Variants in PGS1 observed in about 807,000 individuals in gnomAD.
The protein encoded by PGS1 is phosphatidylglycerophosphate synthase 1, also known as CDP-diacylglycerol--glycerol-3-phosphate 3-phosphatidyltransferase, mitochondrial.
PGS1 carries 44 observed loss-of-function variants against 58.3 expected under a neutral mutation model. The ratio of observed to expected loss-of-function variants is 0.75; its 90% CI spans 0.59 to 0.97. PGS1 has a LOEUF of 0.97. PGS1 is among the 50% of genes least tolerant of loss of function. The pLI is 0.00. For missense variants in PGS1, 684 were observed against 731.1 expected (o/e 0.94, Z 0.74); for synonymous variants, 330 against 311.0 (o/e 1.06, Z -0.64).
chr17:78,415,500 C>T (rs561735732), intron 8 of PGS1, among the ~76,000 whole-genome samples: 4 of 152,120 alleles, frequency 2.6e-5, no homozygotes, highest in South Asian at 2.1e-4. Flanking sequence ...GGCATGGTGG[C>T]GGGTGCCTGT....
chr17:78,418,836 T>G (rs1344804822), intron 8 of PGS1, among the ~76,000 whole-genome samples: 1 of 152,132 alleles, frequency 6.6e-6, no homozygotes, highest in Non-Finnish European at 1.5e-5. Flanking sequence ...CAAATTGGCT[T>G]TGTGCCAATT....
chr17:78,398,428 C>G, intron 4 of PGS1, 77 bp downstream of exon 4: 3 of 974,350 alleles, frequency 3.1e-6, no homozygotes, highest in Non-Finnish European at 5.0e-6. Flanking sequence ...CTGTCACCCC[C>G]TCATCCCCAG....
chr17:78,404,818 G>A (rs1003851115), intron 7 of PGS1, among the ~76,000 whole-genome samples: 8 of 152,018 alleles, frequency 5.3e-5, no homozygotes, highest in Non-Finnish European at 1.0e-4. Context: ...GTACCACCAC[G>A]CCTGACTAAT....
intron 7 of PGS1, among the ~76,000 whole-genome samples, chr17:78,411,401 C>T (rs2084678858): frequency 2.6e-5 from 4 of 152,210 alleles, no homozygotes; most frequent in Admixed American, 6.5e-5. Flanking sequence ...AGGCCCAGAG[C>T]TGGGAGGCAG....
At chr17:78,406,428 C>T (rs1266044607) in intron 7 of PGS1, among the ~76,000 whole-genome samples, 1 of 152,252 alleles carries the variant, frequency 6.6e-6, no homozygotes, top group African/African-American at 2.4e-5. Flanking sequence ...ATTCTGATGC[C>T]TAGCCTAGCC....
chr17:78,413,108 G>T (rs574818825), intron 7 of PGS1, among the ~76,000 whole-genome samples: 1 of 152,238 alleles, frequency 6.6e-6, no homozygotes, highest in African/African-American at 2.4e-5. Context: ...GTGGCCCAGC[G>T]GAGCGGTACT....
chr17:78,422,430 T>C (rs1331312269), intron 9 of PGS1, among the ~76,000 whole-genome samples: 4 of 127,926 alleles, frequency 3.1e-5, no homozygotes, highest in Non-Finnish European at 7.2e-5. Context: ...TGAGTAAACT[T>C]GGAAAAATGT....
chr17:78,400,536 T>C lies in PGS1; in HGVS notation c.702-141T>C, dbSNP rs991979484. On this transcript the variant is annotated intron_variant, in intron 5 of 9. Coordinates refer to ENST00000262764, the MANE Select transcript of PGS1 (RefSeq NM_024419.5). This position sits in a 1 kb window ranked among gnomAD's most constrained non-coding sequence, Gnocchi z 4.4. ...TGGCTTTGTCTTTTGCACGTGTTCA[T>C]TGCTGAGTAGCTATTTGTTAACTGC... 22 of 708,718 alleles carry C rather than the reference T, an allele frequency of 3.1e-5. No individual in the cohort carries two copies. The highest frequency in any genetic ancestry group is 5.0e-5 in the Non-Finnish European group (20 of 402,778). The allele number at this position is 708,718 out of a possible 1,614,324, so 43.9% of individuals were successfully genotyped here.
chr17:78,410,077 C>G (rs1296454554), intron 7 of PGS1, among the ~76,000 whole-genome samples: 1 of 150,822 alleles, frequency 6.6e-6, no homozygotes, highest in Non-Finnish European at 1.5e-5. Context: ...TGCCACTGTA[C>G]CCCAGTGTGG....
In PGS1 at chr17:78,417,659, C is replaced by T. The variant is rs142690625; in HGVS notation, c.1552-1887C>T. 7.6e-4 allele frequency among the ~76,000 whole-genome samples: 115 copies of T among 152,142 alleles called. 1 individual carries two copies. The highest frequency in any genetic ancestry group is 6.9e-3 in the South Asian group (33 of 4,790). On this transcript the variant is annotated intron_variant, in intron 8 of 9. Coordinates refer to ENST00000262764, the MANE Select transcript of PGS1 (RefSeq NM_024419.5). ...GTGCCACTTTGAGTGGCACAGGCCA[C>T]CGCTGCTGCTGTCCTGCGGTTGGCA...
At chr17:78,381,742 T>A (rs905147885) in intron 1 of PGS1, among the ~76,000 whole-genome samples, 1 of 152,208 alleles carries the variant, frequency 6.6e-6, no homozygotes, top group Non-Finnish European at 1.5e-5. Flanking sequence ...ACGTTCCTTT[T>A]ACTGCCGCGG....
intron 1 of PGS1, among the ~76,000 whole-genome samples, chr17:78,379,353 G>T (rs2081866537): frequency 6.6e-6 from 1 of 152,170 alleles, no homozygotes; most frequent in Non-Finnish European, 1.5e-5. Flanking sequence ...GGCATGGGAA[G>T]AGGAGCCACT....
At chr17:78,385,846 G>A (rs1393412184) in intron 1 of PGS1, among the ~76,000 whole-genome samples, 8 of 152,246 alleles carry the variant, frequency 5.3e-5, no homozygotes, top group African/African-American at 1.9e-4. Flanking sequence ...GGGCAAGTGT[G>A]TGCAGGGCGC....
At chr17:78,402,020 A>T (rs8071889) in intron 6 of PGS1, among the ~76,000 whole-genome samples, 3 of 151,912 alleles carry the variant, frequency 2.0e-5, no homozygotes, top group Non-Finnish European at 4.4e-5. Flanking sequence ...GCTTGGGAGA[A>T]TGAGTCCACA....
chr17:78,416,833 CAGTGCCCGGTCCCTAG>C (rs1273626218), intron 8 of PGS1, among the ~76,000 whole-genome samples: 2 of 152,126 alleles, frequency 1.3e-5, no homozygotes, highest in Non-Finnish European at 2.9e-5. Flanking sequence ...CTGAGCCCTA[CAGTGCCCGGTCCCTAG>C]AGGCCAAATC....
At chr17:78,395,003 G>C (rs974970655) in intron 2 of PGS1, among the ~76,000 whole-genome samples, 4 of 152,196 alleles carry the variant, frequency 2.6e-5, no homozygotes, top group Non-Finnish European at 4.4e-5. Context: ...GGGGCAGAGA[G>C]GCTTGCCTCA....
intron 2 of PGS1, among the ~76,000 whole-genome samples, chr17:78,395,742 A>C (rs902948840): frequency 1.3e-5 from 2 of 152,180 alleles, no homozygotes; most frequent in Non-Finnish European, 2.9e-5. Flanking sequence ...GGTAGAAGGT[A>C]AAGAGGGCAG....
At chr17:78,415,053 C>G in intron 8 of PGS1, 26 bp downstream of exon 8, 1 of 1,591,942 alleles carries the variant, frequency 6.3e-7, no homozygotes, top group Non-Finnish European at 8.5e-7. Context: ...TGGGATTTCC[C>G]AGGGCGCTGA....
At chr17:78,402,414 ATATATATATATATACAC>A (rs2083754941) in intron 6 of PGS1, among the ~76,000 whole-genome samples, 1 of 14,348 alleles carries the variant, frequency 7.0e-5, no homozygotes. Context: ...ATATATATAT[ATATATATATATATACAC>A]ACACACACAC....
Sources: gnomAD v4.1 joint callset for allele counts (sites outside exome capture counted in the v4.1 genomes callset) on GRCh38, gnomAD v4.1.1 for gene constraint, Gnocchi (gnomAD v3.1) non-coding constraint, MANE v1.5 for transcripts, NCBI Gene and HGNC (gene_info 2026-07-23, HGNC 2026-07-21) for gene names.